The following IL7R variants were observed in gnomAD, a reference collection of about 807,000 sequenced individuals.
IL7R encodes the protein interleukin-7 receptor subunit alpha.
Under a neutral mutation model 47.0 loss-of-function variants are expected in IL7R, and 38 were observed. That is an observed-to-expected ratio of 0.81 (90% confidence interval 0.62 to 1.06). The LOEUF (loss-of-function observed/expected upper bound fraction) is 1.06, where lower values mean the gene tolerates loss of function less well. IL7R is among the 50% of genes least tolerant of loss of function. IL7R has a pLI of 0.00. For synonymous variants in IL7R, 221 were observed against 199.8 expected (o/e 1.11, Z -0.89); for missense variants, 633 against 534.8 (o/e 1.18, Z -1.81).
At chr5:35,862,507 G>T (rs1421679157) in intron 2 of IL7R, among the ~76,000 whole-genome samples, 2 of 152,060 alleles carry the variant, frequency 1.3e-5, no homozygotes, top group East Asian at 3.9e-4. Flanking sequence ...TTTCCAATTG[G>T]ATTCAGATAT....
At chr5:35,862,136 A>T (rs1198450899) in intron 2 of IL7R, among the ~76,000 whole-genome samples, 5 of 152,190 alleles carry the variant, frequency 3.3e-5, no homozygotes, top group African/African-American at 1.2e-4. Flanking sequence ...TCACTTCCCT[A>T]ACACATTTTC....
chr5:35,871,022 C>T (rs1383283338), intron 3 of IL7R, 34 bp from the exon 4 acceptor site: 3 of 1,597,808 alleles, frequency 1.9e-6, no homozygotes, highest in Non-Finnish European at 2.6e-6. Context: ...CTTGGCTGCC[C>T]TTTAGACAGA....
At chr5:35,871,464 C>T (rs1760074089) in intron 4 of IL7R, among the ~76,000 whole-genome samples, 1 of 152,110 alleles carries the variant, frequency 6.6e-6, no homozygotes, top group Non-Finnish European at 1.5e-5. Flanking sequence ...AGTTGGATAA[C>T]AATATAGATT....
At chr5:35,875,738 G>A in intron 7 of IL7R, 151 bp downstream of exon 7, 1 of 781,396 alleles carries the variant, frequency 1.3e-6, no homozygotes, top group Non-Finnish European at 2.2e-6. Context: ...GCTGCAGTAG[G>A]GAACTGAAAT....
chr5:35,861,486 G>T (rs1156526658), intron 2 of IL7R, among the ~76,000 whole-genome samples: 1 of 152,108 alleles, frequency 6.6e-6, no homozygotes, highest in Admixed American at 6.6e-5. Context: ...GGCTGTGATG[G>T]TTAAATAATT....
intron 2 of IL7R, among the ~76,000 whole-genome samples, chr5:35,865,430 G>A (rs1265278816): frequency 2.6e-5 from 4 of 152,140 alleles, no homozygotes; most frequent in African/African-American, 9.7e-5. Context: ...ACATGTGCAT[G>A]TGTCTTTATA....
chr5:35,862,979 C>T (rs373978971), intron 2 of IL7R, among the ~76,000 whole-genome samples: 4 of 151,974 alleles, frequency 2.6e-5, no homozygotes, highest in South Asian at 2.1e-4. Context: ...GATGTTTGTC[C>T]TAAGCTTATT....
At chr5:35,871,466 A>G (rs1329665731) in intron 4 of IL7R, among the ~76,000 whole-genome samples, 1 of 152,210 alleles carries the variant, frequency 6.6e-6, no homozygotes, top group Non-Finnish European at 1.5e-5. Context: ...TTGGATAACA[A>G]TATAGATTGA....
In IL7R at chr5:35,879,043, T is replaced by G. The variant is rs1458283964; in HGVS notation, c.*2557T>G. The stretch of plus-strand genomic sequence containing the variant: ...GGGACAATGTGTAATGTAAGATTAC[T>G]AATTGGTTCTGCCCAATCTCCTTTC... On this transcript the variant is annotated 3_prime_UTR_variant, in exon 8 of 8. Coordinates refer to ENST00000303115, the MANE Select transcript of IL7R (RefSeq NM_002185.5). The G allele has an allele frequency of 4.3e-6, 1 of 232,800 alleles. No individual in the cohort carries two copies. The highest frequency in any genetic ancestry group is 2.2e-5 in the African/African-American group (1 of 45,332). 14.4% of individuals were successfully genotyped at this position (232,800 alleles called of 1,614,324 possible).
intron 2 of IL7R, among the ~76,000 whole-genome samples, chr5:35,865,709 A>G (rs1019870050): frequency 1.3e-5 from 2 of 152,056 alleles, no homozygotes. Context: ...TCTGATGGCC[A>G]TTGATGGCTA....
At chr5:35,864,380 G>T (rs1247998664) in intron 2 of IL7R, among the ~76,000 whole-genome samples, 2 of 151,846 alleles carry the variant, frequency 1.3e-5, no homozygotes, top group Non-Finnish European at 2.9e-5. Flanking sequence ...CATTTTTCTG[G>T]GGTATAAAAC....
In IL7R at chr5:35,876,071, G is replaced by T. The variant is rs754918897; in HGVS notation, c.965G>T (p.Gly322Val). 1 of 1,614,162 alleles carries T rather than the reference G, an allele frequency of 6.2e-7. No homozygotes were observed. Among genetic ancestry groups the T allele is most frequent in the South Asian group, 1.1e-5 (1 of 91,086 alleles). Reference protein sequence around the residue: ...DDIQARDEVEGFLQDTFPQQL... With the variant: ...DDIQARDEVEVFLQDTFPQQL... ...ATTCAAGCTAGAGATGAAGTGGAAGGTTTTCTGCAAGATACGTTTCCTCAG... is the reference window on the plus strand; with the variant it reads ...ATTCAAGCTAGAGATGAAGTGGAAGTTTTTCTGCAAGATACGTTTCCTCAG... Residue 322 changes from glycine to valine, a missense_variant, in exon 8 of 8, where the codon GGT becomes GTT. Physicochemically the swap from Gly to Val is moderately radical, Grantham distance 109. Transcript: ENST00000303115.
rs1480545667 is a variant in IL7R, at chr5:35,878,829, G to C, written c.*2343G>C. The C allele has an allele frequency of 4.3e-6, 1 of 232,956 alleles. No homozygotes were observed. Among genetic ancestry groups the C allele is most frequent in the African/African-American group, 2.2e-5 (1 of 45,334 alleles). 14.4% of individuals were successfully genotyped at this position (232,956 alleles called of 1,614,324 possible). On this transcript the variant is annotated 3_prime_UTR_variant, in exon 8 of 8. Transcript: ENST00000303115. ...TGGTATAAATAGACAATCTCTTGAA[G>C]AAATGAAGAGATGACCATAGAAAAA...
At chr5:35,872,521 T>A (rs1442280114) in intron 4 of IL7R, among the ~76,000 whole-genome samples, 1 of 151,128 alleles carries the variant, frequency 6.6e-6, no homozygotes, top group Non-Finnish European at 1.5e-5. Flanking sequence ...TTAAAAAAAA[T>A]TAAACTAAAT....
chr5:35,871,591 A>T (rs1200834149), intron 4 of IL7R, among the ~76,000 whole-genome samples: 1 of 152,252 alleles, frequency 6.6e-6, no homozygotes, highest in Non-Finnish European at 1.5e-5. Context: ...TCGTAGCCAC[A>T]TTCTGGCTTA....
intron 3 of IL7R, among the ~76,000 whole-genome samples, chr5:35,868,399 G>A (rs1759993072): frequency 6.6e-6 from 1 of 152,168 alleles, no homozygotes. Context: ...GTTTCACTAA[G>A]ATGATAAAAT....
At chr5:35,867,514 A>C in intron 3 of IL7R, 51 bp downstream of exon 3, 1 of 1,446,760 alleles carries the variant, frequency 6.9e-7, no homozygotes. Flanking sequence ...CTACCTGAAA[A>C]CACTGTGTCT....
At chr5:35,863,403 C>T in intron 2 of IL7R, among the ~76,000 whole-genome samples, 1 of 152,096 alleles carries the variant, frequency 6.6e-6, no homozygotes, top group East Asian at 1.9e-4. Context: ...GCCAGACAAA[C>T]AGGTTCCTCT....
chr5:35,877,007 A>C lies in IL7R; in HGVS notation c.*521A>C, dbSNP rs1041110171. 3 of 241,312 alleles carry C rather than the reference A, an allele frequency of 1.2e-5. No homozygotes were observed. The highest frequency in any genetic ancestry group is 6.6e-5 in the African/African-American group (3 of 45,352). 14.9% of individuals were successfully genotyped at this position (241,312 alleles called of 1,614,324 possible). Reference sequence around the variant, plus strand: ...AAATTCAGAACTAAGGAGTTAAGTAACTTGTCCAAGTTGTTCACACAGTGA... The same window carrying C: ...AAATTCAGAACTAAGGAGTTAAGTACCTTGTCCAAGTTGTTCACACAGTGA... On this transcript the variant is annotated 3_prime_UTR_variant, in exon 8 of 8. Transcript: ENST00000303115.
Sources: allele counts gnomAD v4.1 joint callset (sites outside exome capture counted in the v4.1 genomes callset), GRCh38; gene constraint gnomAD v4.1.1; transcripts MANE v1.5; gene names NCBI Gene and HGNC (gene_info 2026-07-23, HGNC 2026-07-21).